Variants in SCFD2 observed in about 807,000 individuals in gnomAD.
The protein encoded by SCFD2 is sec1 family domain containing 2.
In SCFD2, 54 loss-of-function variants were observed where a neutral mutation model predicts 58.9. The ratio of observed to expected loss-of-function variants is 0.92; its 90% CI spans 0.74 to 1.15. The LOEUF is 1.15. Ranked by LOEUF, SCFD2 falls within the 50% of genes most tolerant of loss-of-function variation. SCFD2 has a pLI of 0.00. For missense variants in SCFD2, 805 were observed against 836.6 expected (o/e 0.96, Z 0.47); for synonymous variants, 321 against 335.9 (o/e 0.96, Z 0.49).
intron 7 of SCFD2, among the ~76,000 whole-genome samples, chr4:52,886,172 G>A (rs1318044013): frequency 6.6e-6 from 1 of 152,004 alleles, no homozygotes; most frequent in Non-Finnish European, 1.5e-5. Flanking sequence ...TTCCCTAATT[G>A]TTTGTTTACA....
chr4:53,105,310 T>G (rs1377393004), intron 5 of SCFD2, among the ~76,000 whole-genome samples: 1 of 150,570 alleles, frequency 6.6e-6, no homozygotes, highest in Non-Finnish European at 1.5e-5. Flanking sequence ...CATACCCCAG[T>G]GGCACCTGGA....
At chr4:53,111,405 A>G (rs1725170273) in intron 5 of SCFD2, among the ~76,000 whole-genome samples, 1 of 152,166 alleles carries the variant, frequency 6.6e-6, no homozygotes, top group South Asian at 2.1e-4. Flanking sequence ...TCTGGTACAT[A>G]TAATTTCACT....
rs566330239 is a variant in SCFD2 at position 53,352,726 on chromosome 4, G to T, written c.879C>A (p.Ile293=). Residue 293 remains isoleucine, a synonymous_variant, in exon 2 of 9, where the codon ATC becomes ATA. Transcript: ENST00000401642. ...CTGGGAGCTGGGGAAGTGCTGAAAT[G>T]ATCTTCTCTACTAAGTTGTCTCCAT... ...GHHGDNLVEK[I]ISALPQLPGH... The T allele has an allele frequency of 2.7e-4, 429 of 1,614,076 alleles. 5 individuals are homozygous for T. The South Asian group carries it at 4.5e-3, about 17-fold the overall frequency.
At chr4:53,362,279 C>G (rs991067908) in intron 1 of SCFD2, among the ~76,000 whole-genome samples, 2 of 152,090 alleles carry the variant, frequency 1.3e-5, no homozygotes, top group Non-Finnish European at 2.9e-5. Context: ...CTTAGCATGT[C>G]TGACAATGGC....
intron 4 of SCFD2, among the ~76,000 whole-genome samples, chr4:53,240,629 A>G (rs1234422695): frequency 6.6e-6 from 1 of 152,252 alleles, no homozygotes; most frequent in Non-Finnish European, 1.5e-5. Flanking sequence ...TTCATTCAAA[A>G]CAACTTCTGA....
chr4:53,265,716 G>T (rs1193232292), intron 4 of SCFD2: 1 of 151,926 alleles, frequency 6.6e-6, no homozygotes, highest in Non-Finnish European at 1.5e-5. Context: ...GTATAAACAT[G>T]CCTATAAAAT....
intron 4 of SCFD2, among the ~76,000 whole-genome samples, chr4:53,197,366 G>C (rs1728088736): frequency 6.6e-6 from 1 of 152,024 alleles, no homozygotes; most frequent in Non-Finnish European, 1.5e-5. Flanking sequence ...ATTATCCAAA[G>C]TCTTACAGTA....
chr4:53,337,575 A>G (rs1733723613), intron 2 of SCFD2, among the ~76,000 whole-genome samples: 1 of 152,198 alleles, frequency 6.6e-6, no homozygotes, highest in Admixed American at 6.5e-5. Context: ...CAACCCATAA[A>G]TTATATGGAA....
At chr4:53,304,845 C>T (rs371530874) in intron 3 of SCFD2, among the ~76,000 whole-genome samples, 2 of 152,080 alleles carry the variant, frequency 1.3e-5, no homozygotes, top group African/African-American at 4.8e-5. Flanking sequence ...CAAACTCATT[C>T]TCCATCCAGT....
chr4:53,208,185 C>T (rs1333874615), intron 4 of SCFD2, among the ~76,000 whole-genome samples: 7 of 151,738 alleles, frequency 4.6e-5, no homozygotes, highest in Non-Finnish European at 8.8e-5. Flanking sequence ...CCATATTTCC[C>T]AGTCTGGTCT....
chr4:52,977,188 G>GT (rs986472193), intron 5 of SCFD2, among the ~76,000 whole-genome samples: 5 of 152,228 alleles, frequency 3.3e-5, no homozygotes, highest in Admixed American at 1.3e-4. Flanking sequence ...ATATTAAGAA[G>GT]TTGTACATAA....
intron 2 of SCFD2, among the ~76,000 whole-genome samples, chr4:53,327,252 TG>T (rs769840902): frequency 4.0e-5 from 6 of 150,518 alleles, no homozygotes; most frequent in Admixed American, 6.6e-5. Context: ...CCCAAGAGGG[TG>T]GGTGGGAGCA....
At chr4:53,051,218 C>T (rs1208886358) in intron 5 of SCFD2, among the ~76,000 whole-genome samples, 1 of 152,158 alleles carries the variant, frequency 6.6e-6, no homozygotes, top group Admixed American at 6.5e-5. Flanking sequence ...GGTTTGAGAA[C>T]ATCTTCTATC....
intron 5 of SCFD2, among the ~76,000 whole-genome samples, chr4:53,137,892 A>AT (rs1725989555): frequency 6.6e-6 from 1 of 152,194 alleles, no homozygotes; most frequent in Non-Finnish European, 1.5e-5. Context: ...GTTTGCTCCT[A>AT]ATAGGTCAGA....
At chr4:53,231,477 G>A (rs1173757872) in intron 4 of SCFD2, among the ~76,000 whole-genome samples, 3 of 152,114 alleles carry the variant, frequency 2.0e-5, no homozygotes, top group Admixed American at 6.6e-5. Context: ...TCCTACAAAA[G>A]CAAAATGTCT....
At chr4:53,178,571 A>C (rs1436594491) in intron 4 of SCFD2, among the ~76,000 whole-genome samples, 1 of 152,234 alleles carries the variant, frequency 6.6e-6, no homozygotes, top group Non-Finnish European at 1.5e-5. Flanking sequence ...GAAAAACTGG[A>C]AACTCTAAAA....
chr4:53,038,285 G>C (rs1722812901), intron 5 of SCFD2, among the ~76,000 whole-genome samples: 1 of 152,156 alleles, frequency 6.6e-6, no homozygotes, highest in South Asian at 2.1e-4. Context: ...TAGAACTCCA[G>C]CCTCCTGGAG....
At chr4:53,134,164 C>T (rs1298195769) in intron 5 of SCFD2, among the ~76,000 whole-genome samples, 3 of 151,968 alleles carry the variant, frequency 2.0e-5, no homozygotes, top group Non-Finnish European at 4.4e-5. Context: ...GATGGTTACC[C>T]AGGGCTGGGG....
chr4:53,357,182 G>A (rs1241830553), intron 1 of SCFD2, among the ~76,000 whole-genome samples: 1 of 152,084 alleles, frequency 6.6e-6, no homozygotes, highest in Non-Finnish European at 1.5e-5. Context: ...AGCACTTTGG[G>A]AGGCTGAGGT....
Sources: gnomAD v4.1 joint callset for allele counts (sites outside exome capture counted in the v4.1 genomes callset) on GRCh38, gnomAD v4.1.1 for gene constraint, MANE v1.5 for transcripts, NCBI Gene and HGNC (gene_info 2026-07-23, HGNC 2026-07-21) for gene names.